The following ERC2 variants were observed in gnomAD, a reference collection of about 807,000 sequenced individuals.
ERC2 encodes the protein ELKS/RAB6-interacting/CAST family member 2, also known as ERC protein 2.
In ERC2, 42 loss-of-function variants were observed where a neutral mutation model predicts 114.8. The ratio of observed to expected loss-of-function variants is 0.37; its 90% confidence interval spans 0.29 to 0.47. The LOEUF is 0.47. ERC2 is among the 20% of genes least tolerant of loss of function. ERC2 has a pLI of 0.99. For missense variants in ERC2, 939 were observed against 1,150.7 expected, an observed-to-expected ratio of 0.82 and a Z score of 2.66; for synonymous variants, 454 against 425.5, an observed-to-expected ratio of 1.07 and a Z score of -0.82.
chr3:56,137,301 T>C (rs1445757148), intron 6 of ERC2, among the ~76,000 whole-genome samples: 2 of 152,188 alleles, frequency 1.3e-5, no homozygotes, highest in Admixed American at 6.5e-5. Context: ...ACACTAACTT[T>C]ATCGGTAATC....
At chr3:55,899,243 T>C (rs1383053093) in intron 13 of ERC2, among the ~76,000 whole-genome samples, 1 of 152,218 alleles carries the variant, frequency 6.6e-6, no homozygotes, top group Non-Finnish European at 1.5e-5. Context: ...TCAGTATAAC[T>C]AATGAATTAC....
intron 17 of ERC2, among the ~76,000 whole-genome samples, chr3:55,577,692 T>C (rs1336567173): frequency 6.6e-6 from 1 of 152,148 alleles, no homozygotes; most frequent in African/African-American, 2.4e-5. Flanking sequence ...CACCATACTC[T>C]AGGCCTTGGA....
At chr3:55,613,061 G>C (rs113974308) in intron 17 of ERC2, 428 of 152,336 alleles carry the variant, frequency 2.8e-3, no homozygotes, top group African/African-American at 9.7e-3. Flanking sequence ...CCAAATAAAT[G>C]AAAGTGCATG....
chr3:56,404,439 T>C (rs1056126808), intron 2 of ERC2, among the ~76,000 whole-genome samples: 1 of 152,012 alleles, frequency 6.6e-6, no homozygotes, highest in Non-Finnish European at 1.5e-5. Flanking sequence ...AAAAGGCAAC[T>C]TGGGTAAATC....
chr3:55,848,466 A>T (rs910960345), intron 14 of ERC2, among the ~76,000 whole-genome samples: 1 of 152,040 alleles, frequency 6.6e-6, no homozygotes. Context: ...CTCGCATTAC[A>T]CTTTTAAAAG....
intron 17 of ERC2, among the ~76,000 whole-genome samples, chr3:55,666,279 T>C (rs1299378935): frequency 6.6e-6 from 1 of 152,148 alleles, no homozygotes; most frequent in Non-Finnish European, 1.5e-5. Flanking sequence ...GGCAAGTATG[T>C]CACCCTTTCC....
chr3:56,082,219 C>T (rs893471438), intron 6 of ERC2, among the ~76,000 whole-genome samples: 1 of 152,028 alleles, frequency 6.6e-6, no homozygotes, highest in Non-Finnish European at 1.5e-5. Flanking sequence ...AAAGGTGGGG[C>T]CTTTAGGAGG....
intron 1 of ERC2, among the ~76,000 whole-genome samples, chr3:56,460,370 T>C (rs2063256925): frequency 6.6e-6 from 1 of 152,254 alleles, no homozygotes; most frequent in Non-Finnish European, 1.5e-5. Flanking sequence ...GCATTAACTC[T>C]GAGCAAGTTT....
At chr3:56,379,347 GA>G (rs941151587) in intron 2 of ERC2, among the ~76,000 whole-genome samples, 41 of 151,788 alleles carry the variant, frequency 2.7e-4, no homozygotes, top group African/African-American at 8.7e-4. Context: ...ATATAGAGAT[GA>G]AAAAAAACCA....
chr3:55,613,431 A>T (rs2058987552), intron 17 of ERC2, among the ~76,000 whole-genome samples: 1 of 152,228 alleles, frequency 6.6e-6, no homozygotes, highest in African/African-American at 2.4e-5. Flanking sequence ...CTTTGGGAGA[A>T]TCTGATAAAA....
chr3:55,728,978 T>C (rs543574744), intron 15 of ERC2, among the ~76,000 whole-genome samples: 1 of 152,302 alleles, frequency 6.6e-6, no homozygotes, highest in East Asian at 1.9e-4. Flanking sequence ...GCCAAGCACC[T>C]TGAGACTCCA....
intron 17 of ERC2, among the ~76,000 whole-genome samples, chr3:55,633,661 C>A (rs1213175397): frequency 1.3e-5 from 2 of 152,310 alleles, no homozygotes; most frequent in South Asian, 4.1e-4. Flanking sequence ...CTGCTATTTG[C>A]AAACACTGGC....
chr3:55,653,759 C>T (rs1374331237), intron 17 of ERC2, among the ~76,000 whole-genome samples: 1 of 152,144 alleles, frequency 6.6e-6, no homozygotes, highest in Non-Finnish European at 1.5e-5. Flanking sequence ...ATAAAAATGA[C>T]ATTTAAAAGT....
At chr3:56,116,651 T>C (rs2079254286) in intron 6 of ERC2, among the ~76,000 whole-genome samples, 1 of 152,226 alleles carries the variant, frequency 6.6e-6, no homozygotes, top group African/African-American at 2.4e-5. Context: ...TCACTCTCTC[T>C]ATCTTTGCTC....
At chr3:56,197,383 A>G (rs1368351247) in intron 3 of ERC2, among the ~76,000 whole-genome samples, 1 of 152,244 alleles carries the variant, frequency 6.6e-6, no homozygotes, top group Non-Finnish European at 1.5e-5. Context: ...TACCATAGCA[A>G]ACACTTAAGG....
rs564724946 is a variant in ERC2 at position 56,212,079 on chromosome 3, AC to A, written c.1075-38560del. 2.2e-4 allele frequency among the ~76,000 whole-genome samples: 34 copies of A among 152,300 alleles called. No individual in the cohort carries two copies. The South Asian group carries it at 6.6e-3, about 30-fold the overall frequency. The stretch of plus-strand genomic sequence containing the variant: ...GAACCCAAAAGCAAACTCAAAAAAA[AC>A]AAAGATAAATAGATGGGACTTAATT... On this transcript the variant is annotated intron_variant, in intron 3 of 17. Coordinates refer to ENST00000288221, the MANE Select transcript of ERC2 (RefSeq NM_015576.3).
chr3:55,709,516 C>T (rs2148851590), intron 15 of ERC2, among the ~76,000 whole-genome samples: 1 of 152,230 alleles, frequency 6.6e-6, no homozygotes, highest in Middle Eastern at 3.4e-3. Context: ...ACGGACTGGG[C>T]AAGCAGAGGA....
At chr3:55,698,362 C>T (rs1423308646) in intron 16 of ERC2, among the ~76,000 whole-genome samples, 1 of 152,068 alleles carries the variant, frequency 6.6e-6, no homozygotes, top group Non-Finnish European at 1.5e-5. Flanking sequence ...GGTAAAACAT[C>T]TTGGAAACTT....
At chr3:55,600,198 A>C (rs2058334806) in intron 17 of ERC2, among the ~76,000 whole-genome samples, 3 of 152,252 alleles carry the variant, frequency 2.0e-5, no homozygotes, top group Admixed American at 2.0e-4. Flanking sequence ...GAACCTGAGG[A>C]TAATAGATGC....
Sources: allele counts gnomAD v4.1 joint callset (sites outside exome capture counted in the v4.1 genomes callset), GRCh38; gene constraint gnomAD v4.1.1; transcripts MANE v1.5; gene names NCBI Gene and HGNC (gene_info 2026-07-23, HGNC 2026-07-21).